ARHGEF25: variants seen among roughly 807,000 people sequenced by gnomAD.
ARHGEF25 encodes the protein RAC/CDC42 exchange factor.
Under a neutral mutation model 74.0 loss-of-function variants are expected in ARHGEF25, and 42 were observed. That is an observed-to-expected ratio of 0.57 (90% CI 0.44 to 0.73). ARHGEF25 has a LOEUF of 0.73. Among genes scored for constraint, ARHGEF25 ranks in the 30% least tolerant of loss-of-function variants. The pLI, the probability that ARHGEF25 is intolerant of heterozygous loss-of-function variation, is 0.00. For missense variants in ARHGEF25, 645 were observed against 725.5 expected, an observed-to-expected ratio of 0.89 and a Z score of 1.27; for synonymous variants, 293 against 278.6, an observed-to-expected ratio of 1.05 and a Z score of -0.51.
chr12:57,616,479 T>G lies in ARHGEF25; in HGVS notation c.1616T>G (p.Leu539Trp). The change falls in exon 14 of 15, where the codon TTG becomes TGG. Residue 539 changes from leucine to tryptophan, a missense_variant. Physicochemically the swap from Leu to Trp is moderately conservative, Grantham distance 61. This residue lies in a region of ARHGEF25 where 262 missense variants were observed against 256.9 expected (regional missense o/e 1.02). Transcript: ENST00000286494. Reference sequence around the variant, plus strand: ...AAAGGGGAGGTGGCCAGAGCCCTCTTGCCACTGGATAAACAGGTATGACGA... The same window carrying G: ...AAAGGGGAGGTGGCCAGAGCCCTCTGGCCACTGGATAAACAGGTATGACGA... ...SPKGEVARALLPLDKQALGDI... is the reference protein window; with the variant it reads ...SPKGEVARALWPLDKQALGDI... 3 of 1,614,048 alleles carry G rather than the reference T, an allele frequency of 1.9e-6. No individual in the cohort carries two copies.
rs1185831516 is a variant in ARHGEF25, at chr12:57,611,682, C to CCT, written c.-202_-201dup. On this transcript the variant is annotated 5_prime_UTR_variant, in exon 1 of 15. Coordinates refer to ENST00000286494, the MANE Select transcript of ARHGEF25 (RefSeq NM_182947.4). The surrounding 1 kb of genome is among the most constrained non-coding windows in gnomAD (Gnocchi z 4.5). ...CCCAGCCCGGCGGCCGGGCCCCGCG[C>CCT]CTCTCTCTCTCTAGAGCCCCCAGCC... 21 of 1,133,888 alleles carry CCT rather than the reference C, an allele frequency of 1.9e-5. No homozygotes were observed. Among genetic ancestry groups the CCT allele is most frequent in the Non-Finnish European group, 1.8e-5 (17 of 924,792 alleles). The allele number at this position is 1,133,888 out of a possible 1,614,324, so 70.2% of individuals were successfully genotyped here.
At position 57,616,451 on chromosome 12, in the gene ARHGEF25, C is replaced by G; in HGVS notation, c.1588C>G (p.Pro530Ala). The change falls in exon 14 of 15, where the codon CCC (proline) becomes GCC (alanine). Residue 530 changes from proline to alanine, a missense_variant. Transcript: ENST00000286494. The stretch of plus-strand genomic sequence containing the variant: ...CTCTCTCCCCTCTCTGCTGCTGTCA[C>G]CCAAAGGGGAGGTGGCCAGAGCCCT... ...NGSLPSLLLSPKGEVARALLP... is the reference protein window; with the variant it reads ...NGSLPSLLLSAKGEVARALLP... 6.2e-7 allele frequency: 1 copy of G among 1,614,146 alleles called. No homozygotes were observed. Among genetic ancestry groups the G allele is most frequent in the Non-Finnish European group, 8.5e-7 (1 of 1,180,024 alleles).
Position 57,615,304 on chromosome 12 carries a change from G to C in ARHGEF25, c.1028G>C (p.Arg343Pro). Residue 343 changes from arginine to proline, a missense_variant, in exon 11 of 15, where the codon CGG becomes CCG. Arg to Pro is a moderately radical substitution (Grantham distance 103, BLOSUM62 -2). Coordinates refer to ENST00000286494, the MANE Select transcript of ARHGEF25 (RefSeq NM_182947.4). ...CNDMMTLGRL[R>P]GFEGKLTAQG... ...GATATGATGACGCTGGGGAGATTGC[G>C]GGGATTTGAGGTACGGAGATAGGGC... The C allele has an allele frequency of 1.9e-6, 3 of 1,607,682 alleles. No individual in the cohort carries two copies. The highest frequency in any genetic ancestry group is 2.5e-6 in the Non-Finnish European group (3 of 1,177,024).
Position 57,611,792 on chromosome 12 carries a change from A to T in ARHGEF25, c.-103A>T. The T allele has an allele frequency of 9.7e-7, 1 of 1,033,516 alleles. No homozygotes were observed. The highest frequency in any genetic ancestry group is 1.7e-5 in the African/African-American group (1 of 58,776). The allele number at this position is 1,033,516 out of a possible 1,614,324, so 64.0% of individuals were successfully genotyped here. On this transcript the variant is annotated 5_prime_UTR_variant, in exon 1 of 15. Transcript: ENST00000286494. This position sits in a 1 kb window ranked among gnomAD's most constrained non-coding sequence, Gnocchi z 4.5. Reference sequence around the variant, plus strand: ...CCCCTCCCACAGCCTGGACCGGGGTAGGAGGGAGGGGGGGTGTGCGCCCGG... The same window carrying T: ...CCCCTCCCACAGCCTGGACCGGGGTTGGAGGGAGGGGGGGTGTGCGCCCGG...
chr12:57,610,259 A>T (rs1219269456), upstream of ARHGEF25: 2 of 1,584,522 alleles, frequency 1.3e-6, no homozygotes, highest in Non-Finnish European at 1.7e-6. Context: ...CACTGACCGG[A>T]TACTGGGGGT....
upstream of ARHGEF25, chr12:57,610,666 G>A: frequency 6.2e-7 from 1 of 1,609,486 alleles, no homozygotes; most frequent in Non-Finnish European, 8.5e-7. Context: ...TGAGGTCCTC[G>A]CCGGGGCTCT....
At chr12:57,610,717 T>A (rs145261291), upstream of ARHGEF25, 5,705 of 1,568,358 alleles carry the variant, frequency 3.6e-3, 87 homozygotes, top group Admixed American at 0.035. Context: ...GGGCACAGTT[T>A]GCTATCCTGC....
rs2140219293 is a variant in ARHGEF25, at chr12:57,611,742, A to C, written c.-153A>C. 1 of 1,185,144 alleles carries C rather than the reference A, an allele frequency of 8.4e-7. No individual in the cohort carries two copies. The highest frequency in any genetic ancestry group is 1.0e-6 in the Non-Finnish European group (1 of 959,182). The allele number at this position is 1,185,144 out of a possible 1,614,324, so 73.4% of individuals were successfully genotyped here. A position where few individuals can be genotyped will look rare whatever the true frequency, so the allele number is the denominator to read the frequency against. On this transcript the variant is annotated 5_prime_UTR_variant, in exon 1 of 15. Transcript: ENST00000286494. The surrounding 1 kb of genome is among the most constrained non-coding windows in gnomAD (Gnocchi z 4.5). Reference sequence around the variant, plus strand: ...ACTAGACTTCCGCCTACCCCTGGACACCTCCTCCCGGTCCCCTCCCTCCCC... The same window carrying C: ...ACTAGACTTCCGCCTACCCCTGGACCCCTCCTCCCGGTCCCCTCCCTCCCC...
At chr12:57,612,055 G>C (rs1381606975) in intron 1 of ARHGEF25, 64 bp downstream of exon 1, 1 of 1,215,516 alleles carries the variant, frequency 8.2e-7, no homozygotes, top group East Asian at 2.9e-5. Flanking sequence ...CAGGGCATCT[G>C]TTTGCCCTGG....
At chr12:57,613,538 C>T (rs776987158) in intron 4 of ARHGEF25, 22 bp downstream of exon 4, 2 of 1,614,022 alleles carry the variant, frequency 1.2e-6, no homozygotes, top group African/African-American at 2.7e-5. Context: ...CAGCCCTTCC[C>T]TGCAGTTGCA....
rs773340108 is a variant in ARHGEF25 at position 57,614,656 on chromosome 12, C to T, written c.817-33C>T. On this transcript the variant is annotated intron_variant, in intron 8 of 14. Transcript: ENST00000286494. This position sits in a 1 kb window ranked among gnomAD's most constrained non-coding sequence, Gnocchi z 4.6. ...GAAGGAGGACAGAACTGGGGCTTTC[C>T]AGGCTGCATAACCACCCTGTCCCTG... The T allele has an allele frequency of 6.2e-7, 1 of 1,613,630 alleles. No homozygotes were observed. Among genetic ancestry groups the T allele is most frequent in the African/African-American group, 1.3e-5 (1 of 74,868 alleles).
At chr12:57,611,359 AG>A (rs1884031335), upstream of ARHGEF25, 6 of 847,800 alleles carry the variant, frequency 7.1e-6, no homozygotes, top group Non-Finnish European at 8.5e-6. The surrounding 1 kb of genome is among the most constrained non-coding windows in gnomAD (Gnocchi z 4.5). Context: ...CGCAGGCAGG[AG>A]GGGGAACGCG....
At chr12:57,612,828 G>C (rs1279619671) in intron 1 of ARHGEF25, 102 bp from the exon 2 acceptor site, 2 of 1,518,934 alleles carry the variant, frequency 1.3e-6, no homozygotes, top group Non-Finnish European at 1.8e-6. Context: ...CTTGGAGAGA[G>C]AGGCTGAGCA....
In ARHGEF25 at chr12:57,614,706, G is replaced by A. The variant is rs1221385653; in HGVS notation, c.834G>A (p.Leu278=). The A allele has an allele frequency of 6.2e-7, 1 of 1,613,468 alleles. No individual in the cohort carries two copies. Among genetic ancestry groups the A allele is most frequent in the African/African-American group, 1.3e-5 (1 of 74,866 alleles). The change falls in exon 9 of 15, where the codon CTG becomes CTA. Residue 278 remains leucine, a synonymous_variant. Transcript: ENST00000286494. This position sits in a 1 kb window ranked among gnomAD's most constrained non-coding sequence, Gnocchi z 4.6. ...GTCCCCAGGAGCTCCGGCAGCAGCT[G>A]GGGCACCGCCTGCAGCTGAACGACC... ...DSYFEELRQQ[L]GHRLQLNDLL... is the part of the protein sequence containing the mutation.
In ARHGEF25 at chr12:57,616,388, G is replaced by C; in HGVS notation, c.1525G>C (p.Asp509His). 6.2e-7 allele frequency: 1 copy of C among 1,614,134 alleles called. No homozygotes were observed. Residue 509 changes from aspartate (D) to histidine (H), a missense_variant, in exon 14 of 15, where the codon GAT (aspartate) becomes CAT (histidine). Physicochemically the swap from Asp to His is moderately conservative, Grantham distance 81. Coordinates refer to ENST00000286494, the MANE Select transcript of ARHGEF25 (RefSeq NM_182947.4). ...GAGCCCTGGAAGAATTCAGCTTGGA[G>C]ATCAGGCCCAGGGCAGCACACACAC... Reference protein sequence around the residue: ...VGSPGRIQLGDQAQGSTHTPI... With the variant: ...VGSPGRIQLGHQAQGSTHTPI...
intron 4 of ARHGEF25, 51 bp downstream of exon 4, chr12:57,613,567 C>A: frequency 6.2e-7 from 1 of 1,612,008 alleles, no homozygotes. Flanking sequence ...AGAAGACTGT[C>A]CCTCACATTT....
chr12:57,613,815 G>A, intron 5 of ARHGEF25, 55 bp downstream of exon 5: 1 of 1,599,370 alleles, frequency 6.3e-7, no homozygotes, highest in African/African-American at 1.3e-5. Context: ...ATCTGCCCAG[G>A]GCTATTTTCA....
At chr12:57,615,160 G>A in intron 10 of ARHGEF25, 77 bp from the exon 11 acceptor site, 1 of 1,558,538 alleles carries the variant, frequency 6.4e-7, no homozygotes, top group Non-Finnish European at 8.7e-7. Context: ...GTCTGAAGAG[G>A]CAACTGGCCG....
At position 57,613,130 on chromosome 12, in the gene ARHGEF25, G is replaced by A. The variant is rs921491978; in HGVS notation, c.298G>A (p.Ala100Thr). The A allele has an allele frequency of 6.2e-7, 1 of 1,613,044 alleles. No individual in the cohort carries two copies. Among genetic ancestry groups the A allele is most frequent in the Non-Finnish European group, 8.5e-7 (1 of 1,179,260 alleles). Residue 100 changes from alanine (A) to threonine (T), a missense_variant, in exon 2 of 15, where the codon GCA becomes ACA. By Grantham distance (58) the Ala-to-Thr change is moderately conservative. Transcript: ENST00000286494. ...GGAAACTGAGGCAGACAGTGGTCAG[G>A]CAGGACCATATGAGGTGAGCAGGGA... ...SVETEADSGQ[A>T]GPYENWMLEP...
Sources: gnomAD v4.1 joint callset for allele counts on GRCh38, gnomAD v4.1.1 for gene constraint, gnomAD v4.1.1 regional missense constraint, Gnocchi (gnomAD v3.1) non-coding constraint, MANE v1.5 for transcripts, NCBI Gene and HGNC (gene_info 2026-07-23, HGNC 2026-07-21) for gene names.